Variants in CARD6 observed in about 807,000 individuals in gnomAD.
The protein encoded by CARD6 is caspase recruitment domain family member 6, also known as caspase recruitment domain-containing protein 6.
A neutral mutation model predicts 23.6 loss-of-function variants in CARD6; 27 were observed. The ratio of observed to expected loss-of-function variants is 1.14; its 90% CI spans 0.84 to 1.58. CARD6 has a LOEUF of 1.58. Among genes scored for constraint, CARD6 ranks in the 40% most tolerant of loss-of-function variants. The pLI is 0.00. For synonymous variants in CARD6, 397 were observed against 431.8 expected (o/e 0.92, Z 1.00); for missense variants, 1,214 against 1,209.9 (o/e 1.00, Z -0.05).
intron 2 of CARD6, among the ~76,000 whole-genome samples, chr5:40,850,153 G>C (rs531896570): frequency 6.6e-6 from 1 of 152,100 alleles, no homozygotes; most frequent in Admixed American, 6.5e-5. Context: ...GGTGGCTAAC[G>C]CCTGTAATCC....
In CARD6 at chr5:40,854,270, T is replaced by C; in HGVS notation, c.2938T>C (p.Ser980Pro). Residue 980 changes from serine to proline, a missense_variant, in exon 3 of 3, where the codon TCC becomes CCC. By Grantham distance (74) the Ser-to-Pro change is moderately conservative (BLOSUM62 -1). Transcript: ENST00000254691. ...SQTKSCQSQP[S>P]QTKPSPCKST... is the part of the protein sequence containing the mutation. ...GACAAAATCCTGTCAGTCCCAGCCC[T>C]CCCAAACTAAACCTTCTCCATGCAA... 2 of 1,613,988 alleles carry C rather than the reference T, an allele frequency of 1.2e-6. No individual in the cohort carries two copies. Among genetic ancestry groups the C allele is most frequent in the Non-Finnish European group, 1.7e-6 (2 of 1,179,992 alleles).
chr5:40,844,055 A>C (rs1297195343), intron 2 of CARD6, among the ~76,000 whole-genome samples: 1 of 152,198 alleles, frequency 6.6e-6, no homozygotes, highest in Non-Finnish European at 1.5e-5. Context: ...TCTCAGGTTA[A>C]ACCACTTTAG....
At chr5:40,849,443 T>A (rs1463652888) in intron 2 of CARD6, among the ~76,000 whole-genome samples, 2 of 152,190 alleles carry the variant, frequency 1.3e-5, no homozygotes, top group African/African-American at 4.8e-5. Context: ...TAGATTCAAC[T>A]TCCCCCTCAC....
In CARD6 at chr5:40,852,998, T is replaced by G. The variant is rs1579806616; in HGVS notation, c.1666T>G (p.Phe556Val). Residue 556 changes from phenylalanine (F) to valine (V), a missense_variant, in exon 3 of 3, where the codon TTC becomes GTC. Coordinates refer to ENST00000254691, the MANE Select transcript of CARD6 (RefSeq NM_032587.4). Reference sequence around the variant, plus strand: ...GGAAGTTTCTTCAGCTGTGTTTTTTTTCACTGACTGTTTAGGTGAGAAGGA... The same window carrying G: ...GGAAGTTTCTTCAGCTGTGTTTTTTGTCACTGACTGTTTAGGTGAGAAGGA... ...LMEVSSAVFFFTDCLGEKEWD... is the reference protein window; with the variant it reads ...LMEVSSAVFFVTDCLGEKEWD... 5 of 1,614,236 alleles carry G rather than the reference T, an allele frequency of 3.1e-6. No homozygotes were observed. The East Asian group carries it at 1.1e-4, about 36-fold the overall frequency.
In CARD6 at chr5:40,854,100, G is replaced by T; in HGVS notation, c.2768G>T (p.Gly923Val). 1 of 1,614,098 alleles carries T rather than the reference G, an allele frequency of 6.2e-7. No individual in the cohort carries two copies. Among genetic ancestry groups the T allele is most frequent in the Non-Finnish European group, 8.5e-7 (1 of 1,180,002 alleles). Residue 923 changes from glycine to valine, a missense_variant, in exon 3 of 3, where the codon GGG becomes GTG. Transcript: ENST00000254691. ...QQGVQMKTQGGASNPALQIGS... is the reference protein window; with the variant it reads ...QQGVQMKTQGVASNPALQIGS... Reference sequence around the variant, plus strand: ...GGAGTCCAGATGAAGACACAAGGTGGGGCTTCAAATCCAGCTCTCCAAATA... The same window carrying T: ...GGAGTCCAGATGAAGACACAAGGTGTGGCTTCAAATCCAGCTCTCCAAATA...
At chr5:40,849,397 C>G (rs1214340396) in intron 2 of CARD6, among the ~76,000 whole-genome samples, 3 of 152,158 alleles carry the variant, frequency 2.0e-5, no homozygotes, top group African/African-American at 7.2e-5. Flanking sequence ...GCAACCTATT[C>G]TCTCACTGCT....
At chr5:40,851,932 G>T (rs961086430) in intron 2 of CARD6, among the ~76,000 whole-genome samples, 1 of 151,450 alleles carries the variant, frequency 6.6e-6, no homozygotes, top group Admixed American at 6.6e-5. Context: ...TTCAGAGTCA[G>T]CCTGGGCAAC....
At chr5:40,846,276 G>A (rs1432622355) in intron 2 of CARD6, among the ~76,000 whole-genome samples, 2 of 152,040 alleles carry the variant, frequency 1.3e-5, no homozygotes, top group Non-Finnish European at 2.9e-5. Context: ...GCCTCCCAAA[G>A]TGCTGGAATT....
chr5:40,855,122 G>A lies in CARD6; in HGVS notation c.*676G>A, dbSNP rs1220695619. 5 of 152,368 alleles carry A rather than the reference G, an allele frequency of 3.3e-5. No homozygotes were observed. Among genetic ancestry groups the A allele is most frequent in the Admixed American group, 3.3e-4 (5 of 15,274 alleles). 9.4% of individuals were successfully genotyped at this position (152,368 alleles called of 1,614,324 possible). A position where few individuals can be genotyped will look rare whatever the true frequency, so the allele number is the denominator to read the frequency against. ...GTGACTGTACAATAGGACGAAAGTT[G>A]CCTCTGTGTCTGAGAAAGTATCTTA... On this transcript the variant is annotated 3_prime_UTR_variant, in exon 3 of 3. Transcript: ENST00000254691.
At position 40,853,203 on chromosome 5, in the gene CARD6, G is replaced by A. The variant is rs760664392; in HGVS notation, c.1871G>A (p.Gly624Asp). Residue 624 changes from glycine to aspartate, a missense_variant, in exon 3 of 3, where the codon GGC becomes GAC. By Grantham distance (94) the Gly-to-Asp change is moderately conservative. Coordinates refer to ENST00000254691, the MANE Select transcript of CARD6 (RefSeq NM_032587.4). Reference sequence around the variant, plus strand: ...GGGGATAGAAGGAAGAACATGGAGGGCCTTCAAGCTGCCCTCCAGGAAGTG... The same window carrying A: ...GGGGATAGAAGGAAGAACATGGAGGACCTTCAAGCTGCCCTCCAGGAAGTG... ...DAGDRRKNME[G>D]LQAALQEVMF... is the part of the protein sequence containing the mutation. The A allele has an allele frequency of 1.2e-6, 2 of 1,614,080 alleles. No homozygotes were observed. The highest frequency in any genetic ancestry group is 2.7e-5 in the African/African-American group (2 of 74,926).
chr5:40,841,425 A>G lies in CARD6; in HGVS notation c.43A>G (p.Arg15Gly), dbSNP rs1345773464. ...STPSEIIERERKKLLEILQHD... is the reference protein window; with the variant it reads ...STPSEIIEREGKKLLEILQHD... ...TCCCTCAGAGATCATAGAAAGAGAA[A>G]GAAAAAAGTTGCTTGAAATCCTTCA... is the stretch of plus-strand genomic sequence containing the variant. Residue 15 changes from arginine (R) to glycine (G), a missense_variant, in exon 1 of 3, where the codon AGA becomes GGA. By Grantham distance (125) the Arg-to-Gly change is moderately radical. Coordinates refer to ENST00000254691, the MANE Select transcript of CARD6 (RefSeq NM_032587.4). 1.2e-6 allele frequency: 2 copies of G among 1,612,488 alleles called. No individual in the cohort carries two copies. Among genetic ancestry groups the G allele is most frequent in the Non-Finnish European group, 1.7e-6 (2 of 1,179,522 alleles).
At position 40,852,994 on chromosome 5, in the gene CARD6, T is replaced by G. The variant is rs200300538; in HGVS notation, c.1662T>G (p.Phe554Leu). Residue 554 changes from phenylalanine to leucine, a missense_variant, in exon 3 of 3, where the codon TTT (phenylalanine) becomes TTG (leucine). Transcript: ENST00000254691. ...TGATGGAAGTTTCTTCAGCTGTGTT[T>G]TTTTTCACTGACTGTTTAGGTGAGA... ...GFLMEVSSAVFFFTDCLGEKE... is the reference protein window; with the variant it reads ...GFLMEVSSAVLFFTDCLGEKE... The G allele has an allele frequency of 4.3e-6, 7 of 1,614,234 alleles. No individual in the cohort carries two copies. Among genetic ancestry groups the G allele is most frequent in the African/African-American group, 1.3e-5 (1 of 75,070 alleles).
chr5:40,846,504 C>A (rs1037340742), intron 2 of CARD6, among the ~76,000 whole-genome samples: 1 of 152,052 alleles, frequency 6.6e-6, no homozygotes, highest in Non-Finnish European at 1.5e-5. Context: ...TTTAGAACAA[C>A]AAAAATTTCT....
chr5:40,852,425 T>G lies in CARD6; in HGVS notation c.1093T>G (p.Leu365Val). The change falls in exon 3 of 3, where the codon TTG (leucine) becomes GTG (valine). Residue 365 changes from leucine (L) to valine (V), a missense_variant. Leu to Val is a conservative substitution (Grantham distance 32). Coordinates refer to ENST00000254691, the MANE Select transcript of CARD6 (RefSeq NM_032587.4). The stretch of plus-strand genomic sequence containing the variant: ...GGATTTGCTGGCTGGAGTGGAGAAT[T>G]TGGAAATTCGAGACATACAAACCAT... ...KEDLLAGVEN[L>V]EIRDIQTINP... 1 of 1,614,070 alleles carries G rather than the reference T, an allele frequency of 6.2e-7. No individual in the cohort carries two copies. Among genetic ancestry groups the G allele is most frequent in the Non-Finnish European group, 8.5e-7 (1 of 1,180,020 alleles).
rs367633713 is a variant in CARD6 at position 40,853,389 on chromosome 5, G to A, written c.2057G>A (p.Arg686Lys). Residue 686 changes from arginine to lysine, a missense_variant, in exon 3 of 3, where the codon AGA (arginine) becomes AAA (lysine). Physicochemically the swap from Arg to Lys is conservative, Grantham distance 26. Coordinates refer to ENST00000254691, the MANE Select transcript of CARD6 (RefSeq NM_032587.4). The part of the protein sequence containing the change: ...AGTAEGEGQQ[R>K]HSQLKSSSKS... ...ACAGCTGAAGGTGAGGGTCAGCAAA[G>A]ACACAGTCAGCTAAAAAGCTCATCT... The A allele has an allele frequency of 5.6e-6, 9 of 1,614,124 alleles. No individual in the cohort carries two copies. Among genetic ancestry groups the A allele is most frequent in the Non-Finnish European group, 7.6e-6 (9 of 1,180,036 alleles).
chr5:40,849,290 C>T (rs994460171), intron 2 of CARD6, among the ~76,000 whole-genome samples: 3 of 152,262 alleles, frequency 2.0e-5, no homozygotes, highest in Middle Eastern at 6.8e-3. Flanking sequence ...AGCCACTGCA[C>T]CCAGCCATGG....
Position 40,841,529 on chromosome 5 carries a change from T to A in CARD6, c.147T>A (p.Asn49Lys). Reference protein sequence around the residue: ...ISEEEYETLENVTDLLKKSRK... With the variant: ...ISEEEYETLEKVTDLLKKSRK... Reference sequence around the variant, plus strand: ...AGGAAGAGTATGAGACTCTGGAGAATGTTACAGATCTCCTGAAGAAAAGTC... The same window carrying A: ...AGGAAGAGTATGAGACTCTGGAGAAAGTTACAGATCTCCTGAAGAAAAGTC... The change falls in exon 1 of 3, where the codon AAT (asparagine) becomes AAA (lysine). Residue 49 changes from asparagine (N) to lysine (K), a missense_variant. Asn to Lys is a moderately conservative substitution (Grantham distance 94). Transcript: ENST00000254691. The A allele has an allele frequency of 1.2e-6, 2 of 1,614,128 alleles. No homozygotes were observed. Among genetic ancestry groups the A allele is most frequent in the Non-Finnish European group, 1.7e-6 (2 of 1,179,988 alleles).
In CARD6 at chr5:40,853,983, A is replaced by G. The variant is rs1462327136; in HGVS notation, c.2651A>G (p.Lys884Arg). The change falls in exon 3 of 3, where the codon AAA becomes AGA. Residue 884 changes from lysine (K) to arginine (R), a missense_variant. Coordinates refer to ENST00000254691, the MANE Select transcript of CARD6 (RefSeq NM_032587.4). ...ACAGAGTTAACTGAAGCAACTGGAAAACTGATAAGAACATCCCATATTGGA... is the reference window on the plus strand; with the variant it reads ...ACAGAGTTAACTGAAGCAACTGGAAGACTGATAAGAACATCCCATATTGGA... The part of the protein sequence containing the change: ...RVTELTEATG[K>R]LIRTSHIGKP... 4.3e-6 allele frequency: 7 copies of G among 1,614,196 alleles called. No individual in the cohort carries two copies. Among genetic ancestry groups the G allele is most frequent in the Middle Eastern group, 1.7e-4 (1 of 6,060 alleles).
At chr5:40,843,757 A>C in intron 2 of CARD6, 48 bp downstream of exon 2, 1 of 1,300,778 alleles carries the variant, frequency 7.7e-7, no homozygotes. Context: ...TTAATAAGTT[A>C]ATAAGCTTGC....
Sources: allele counts gnomAD v4.1 joint callset (sites outside exome capture counted in the v4.1 genomes callset), GRCh38; gene constraint gnomAD v4.1.1; transcripts MANE v1.5; gene names NCBI Gene and HGNC (gene_info 2026-07-23, HGNC 2026-07-21).